Variants in MRTFB observed in about 807,000 individuals in gnomAD.
MRTFB encodes myocardin-related transcription factor B.
In MRTFB, 29 loss-of-function variants were observed where a neutral mutation model predicts 104.2. The observed-to-expected ratio is 0.28, with a 90% CI of 0.21 to 0.38. The LOEUF (loss-of-function observed/expected upper bound fraction) is 0.38. Among genes scored for constraint, MRTFB ranks in the 10% least tolerant of loss-of-function variants. The pLI is 1.00. For synonymous variants in MRTFB, 535 were observed against 519.5 expected, an observed-to-expected ratio of 1.03 and a Z score of -0.41; for missense variants, 1,270 against 1,341.6, an observed-to-expected ratio of 0.95 and a Z score of 0.83.
upstream of MRTFB, among the ~76,000 whole-genome samples, chr16:14,070,094 A>G (rs573416014): frequency 6.6e-6 from 1 of 152,290 alleles, no homozygotes; most frequent in South Asian, 2.1e-4. Context: ...GGGCTGGGTA[A>G]GCCCATGCAG....
At chr16:14,172,798 G>T (rs1320056616) in intron 3 of MRTFB, among the ~76,000 whole-genome samples, 2 of 152,152 alleles carry the variant, frequency 1.3e-5, no homozygotes, top group African/African-American at 4.8e-5. Context: ...GACCATTTCA[G>T]AATCTTTTGG....
chr16:14,035,458 C>G, the MRTFB span, among the ~76,000 whole-genome samples: 13 of 152,210 alleles, frequency 8.5e-5, no homozygotes, highest in Admixed American at 7.9e-4. Flanking sequence ...CAGAGCTGCT[C>G]TCTTGGCTTT....
chr16:14,065,504 G>A, the MRTFB span, among the ~76,000 whole-genome samples: 1 of 152,124 alleles, frequency 6.6e-6, no homozygotes, highest in African/African-American at 2.4e-5. Flanking sequence ...TGCTGAATAG[G>A]AGTGGTGAGA....
chr16:14,033,997 G>A, the MRTFB span, among the ~76,000 whole-genome samples: 34 of 152,242 alleles, frequency 2.2e-4, no homozygotes, highest in African/African-American at 7.5e-4. Context: ...GCTGTGTGTG[G>A]CTATGAGTGC....
the MRTFB span, among the ~76,000 whole-genome samples, chr16:14,036,161 TAAA>T: frequency 2.6e-5 from 1 of 37,866 alleles, no homozygotes; most frequent in Non-Finnish European, 5.2e-5. Flanking sequence ...ATATATTATA[TAAA>T]ATATATATTA....
At chr16:14,231,108 G>C (rs1216298414) in intron 8 of MRTFB, among the ~76,000 whole-genome samples, 1 of 147,020 alleles carries the variant, frequency 6.8e-6, no homozygotes, top group East Asian at 2.1e-4. Flanking sequence ...ACAGGAAGGG[G>C]AACATCACAC....
intron 3 of MRTFB, among the ~76,000 whole-genome samples, chr16:14,158,662 A>G (rs1324186587): frequency 6.6e-6 from 1 of 152,216 alleles, no homozygotes; most frequent in African/African-American, 2.4e-5. Flanking sequence ...TAAAAGGTAT[A>G]AATATAATCA....
chr16:14,080,574 A>G (rs1026746862), intron 2 of MRTFB, among the ~76,000 whole-genome samples: 1 of 152,228 alleles, frequency 6.6e-6, no homozygotes, highest in African/African-American at 2.4e-5. Flanking sequence ...ATGCTGTACA[A>G]TAGATCTCTT....
chr16:14,069,875 C>A (rs1596672258), upstream of MRTFB, among the ~76,000 whole-genome samples: 1 of 152,348 alleles, frequency 6.6e-6, no homozygotes, highest in Middle Eastern at 3.4e-3. Context: ...TAGACAGCAC[C>A]TGGAGCAGGG....
the MRTFB span, among the ~76,000 whole-genome samples, chr16:14,033,835 C>CAAAAA: frequency 6.6e-5 from 6 of 90,438 alleles, no homozygotes; most frequent in African/African-American, 9.1e-5. Flanking sequence ...GACTCAGTCT[C>CAAAAA]AAAAAAAAAA....
the MRTFB span, among the ~76,000 whole-genome samples, chr16:14,055,532 C>G: frequency 1.3e-5 from 2 of 152,170 alleles, no homozygotes; most frequent in African/African-American, 4.8e-5. Flanking sequence ...TCAGCCTTTT[C>G]CTTGTCTTTT....
At chr16:14,166,038 G>A (rs546811387) in intron 3 of MRTFB, among the ~76,000 whole-genome samples, 19 of 152,270 alleles carry the variant, frequency 1.2e-4, no homozygotes, top group African/African-American at 4.6e-4. Context: ...TTTGAAAGAA[G>A]AAATTATAAT....
chr16:14,135,188 A>C (rs2037646694), intron 2 of MRTFB, among the ~76,000 whole-genome samples: 9 of 152,180 alleles, frequency 5.9e-5, no homozygotes, highest in Admixed American at 5.9e-4. Flanking sequence ...CTTGGTGTTA[A>C]TGATACCACC....
At chr16:14,062,681 G>A in the MRTFB span, among the ~76,000 whole-genome samples, 1 of 152,176 alleles carries the variant, frequency 6.6e-6, no homozygotes, top group Non-Finnish European at 1.5e-5. Flanking sequence ...TGCAATAGAG[G>A]ATGTTAGGTA....
chr16:14,049,980 G>A, the MRTFB span, among the ~76,000 whole-genome samples: 5 of 152,178 alleles, frequency 3.3e-5, no homozygotes, highest in South Asian at 2.1e-4. Flanking sequence ...TGATCCATCC[G>A]CCTCGGCCTT....
At chr16:14,074,657 T>C (rs1488984619) in intron 1 of MRTFB, among the ~76,000 whole-genome samples, 1 of 152,192 alleles carries the variant, frequency 6.6e-6, no homozygotes, top group African/African-American at 2.4e-5. Context: ...ATAGGGAATA[T>C]GTAAAAATTA....
At chr16:14,221,174 A>AGTCTTGGGGATTTTTATGTCATCT (rs2041685343) in intron 8 of MRTFB, among the ~76,000 whole-genome samples, 6 of 152,248 alleles carry the variant, frequency 3.9e-5, no homozygotes, top group Non-Finnish European at 5.9e-5. Flanking sequence ...ATGCTGGTAA[A>AGTCTTGGGGATTTTTATGTCATCT]GTCTTGGGGA....
At chr16:14,156,236 A>G (rs2038824304) in intron 3 of MRTFB, among the ~76,000 whole-genome samples, 1 of 152,178 alleles carries the variant, frequency 6.6e-6, no homozygotes, top group South Asian at 2.1e-4. Context: ...TTATTCCATC[A>G]TGGCTGGAAA....
chr16:14,020,767 C>G, the MRTFB span, among the ~76,000 whole-genome samples: 1 of 152,246 alleles, frequency 6.6e-6, no homozygotes, highest in African/African-American at 2.4e-5. Flanking sequence ...GTATGCTACT[C>G]AAGGCCTTGC....
Sources: allele counts gnomAD v4.1 joint callset (sites outside exome capture counted in the v4.1 genomes callset), GRCh38; gene constraint gnomAD v4.1.1; transcripts MANE v1.5; gene names NCBI Gene and HGNC (gene_info 2026-07-23, HGNC 2026-07-21).